Variants in SH3KBP1 observed in about 807,000 individuals in gnomAD.
SH3KBP1 encodes SH3 domain-containing kinase-binding protein 1.
SH3KBP1 carries 8 observed loss-of-function variants against 50.1 expected under a neutral mutation model. The observed-to-expected ratio is 0.16, with a 90% CI of 0.09 to 0.29. The LOEUF (loss-of-function observed/expected upper bound fraction) is 0.29. Among genes scored for constraint, SH3KBP1 ranks in the 10% least tolerant of loss-of-function variants. The pLI is 1.00. For synonymous variants in SH3KBP1, 227 were observed against 218.6 expected (o/e 1.04, Z -0.34); for missense variants, 377 against 535.2 (o/e 0.70, Z 2.92).
intron 1 of SH3KBP1, among the ~76,000 whole-genome samples, chrX:19,873,944 G>A (rs2069147283): frequency 9.7e-6 from 1 of 102,655 alleles, no homozygotes; most frequent in African/African-American, 3.7e-5. Flanking sequence ...AGCTACTCGG[G>A]AGGCTGAGGC....
intron 12 of SH3KBP1, among the ~76,000 whole-genome samples, chrX:19,580,329 A>T (rs769450338): frequency 5.4e-5 from 6 of 111,244 alleles, no homozygotes; most frequent in Non-Finnish European, 1.1e-4. Context: ...TCTAGCACCC[A>T]TTCTCCATCT....
intron 13 of SH3KBP1, among the ~76,000 whole-genome samples, chrX:19,564,964 G>A (rs1194896437): frequency 9.3e-6 from 1 of 107,829 alleles, no homozygotes; most frequent in East Asian, 2.9e-4. Flanking sequence ...ATTGCCAAAT[G>A]TCCCCTTGGG....
chrX:19,772,391 G>C (rs969509312), intron 2 of SH3KBP1, among the ~76,000 whole-genome samples: 5 of 111,189 alleles, frequency 4.5e-5, no homozygotes, highest in Non-Finnish European at 3.8e-5. Context: ...CAGAACCAAA[G>C]AGAGAAAGAA....
intron 13 of SH3KBP1, among the ~76,000 whole-genome samples, chrX:19,553,063 C>A (rs1464087599): frequency 9.0e-6 from 1 of 111,446 alleles, no homozygotes; most frequent in Non-Finnish European, 1.9e-5. Flanking sequence ...TGGCCAAAGG[C>A]TCGAATGATT....
chrX:19,731,218 C>T (rs933252634), intron 3 of SH3KBP1, among the ~76,000 whole-genome samples: 12 of 112,384 alleles, frequency 1.1e-4, no homozygotes, highest in Non-Finnish European at 2.3e-4. Flanking sequence ...GGATTACAGG[C>T]GTGAGCCACT....
intron 2 of SH3KBP1, among the ~76,000 whole-genome samples, chrX:19,769,015 G>A (rs1221162163): frequency 9.3e-6 from 1 of 107,904 alleles, no homozygotes; most frequent in Non-Finnish European, 1.9e-5. Flanking sequence ...CTGTTAAGCA[G>A]AAGGAGGTTT....
At chrX:19,720,166 A>G (rs2064017125) in intron 3 of SH3KBP1, among the ~76,000 whole-genome samples, 1 of 111,156 alleles carries the variant, frequency 9.0e-6, no homozygotes, top group African/African-American at 3.3e-5. Flanking sequence ...GAATCACGTC[A>G]TAACATAAAA....
intron 12 of SH3KBP1, chrX:19,588,342 C>T (rs2066631368): frequency 2.8e-6 from 3 of 1,067,942 alleles, no homozygotes; most frequent in African/African-American, 3.8e-5. Context: ...GGCAGTTGGC[C>T]TTGCTTCTAA....
At chrX:19,755,954 T>C (rs1017753308) in intron 2 of SH3KBP1, among the ~76,000 whole-genome samples, 3 of 111,056 alleles carry the variant, frequency 2.7e-5, no homozygotes, top group Admixed American at 9.6e-5. Flanking sequence ...CCCCTTAGAG[T>C]TGTGAGCCCT....
chrX:19,735,067 C>T (rs2064507401), intron 3 of SH3KBP1, among the ~76,000 whole-genome samples: 1 of 111,995 alleles, frequency 8.9e-6, no homozygotes, highest in Admixed American at 9.5e-5. Context: ...AGTGGCTGTA[C>T]CATTTTACAT....
chrX:19,857,559 T>A (rs1171737100), intron 1 of SH3KBP1, among the ~76,000 whole-genome samples: 1 of 108,752 alleles, frequency 9.2e-6, no homozygotes, highest in East Asian at 3.0e-4. Flanking sequence ...CCCATCTCTT[T>A]AAAAATACAC....
At chrX:19,799,123 A>G (rs995524324) in intron 2 of SH3KBP1, among the ~76,000 whole-genome samples, 1 of 108,250 alleles carries the variant, frequency 9.2e-6, no homozygotes, top group Admixed American at 9.9e-5. Flanking sequence ...TTCACACTAC[A>G]GGAAAGCTAA....
At chrX:19,614,660 G>T (rs936422) in intron 8 of SH3KBP1, among the ~76,000 whole-genome samples, 9,133 of 111,357 alleles carry the variant, frequency 0.082, 942 homozygotes, top group African/African-American at 0.28. Flanking sequence ...TGATTTAAGA[G>T]GAACGCTTCT....
In SH3KBP1 at chrX:19,766,483, C is replaced by CTTTTTTTTTTTTTTTTTTTTTT. The variant is rs61439964; in HGVS notation, c.163-20064_163-20043dup. Among the ~76,000 whole-genome samples the CTTTTTTTTTTTTTTTTTTTTTT allele has an allele frequency of 3.1e-4, 7 of 22,589 alleles. 3 individuals are homozygous for CTTTTTTTTTTTTTTTTTTTTTT. The highest frequency in any genetic ancestry group is 8.5e-4 in the African/African-American group (5 of 5,879). The allele number at this position is 22,589 out of a possible 115,157, so 19.6% of individuals were successfully genotyped here. A position where few individuals can be genotyped will look rare whatever the true frequency, so the allele number is the denominator to read the frequency against. On this transcript the variant is annotated intron_variant, in intron 2 of 17. Coordinates refer to ENST00000397821, the MANE Select transcript of SH3KBP1 (RefSeq NM_031892.3). ...TGCACTTTGAGTCTGTTGATTGCATCTTTTTTTTTTTTTTTTTTTTTTTTT... is the reference window on the plus strand; with the variant it reads ...TGCACTTTGAGTCTGTTGATTGCATCTTTTTTTTTTTTTTTTTTTTTTTTTTTTTTTTTTTTTTTTTTTTTTT...
chrX:19,667,650 A>C (rs760773846), intron 6 of SH3KBP1, among the ~76,000 whole-genome samples: 1 of 110,932 alleles, frequency 9.0e-6, no homozygotes, highest in Admixed American at 9.6e-5. Flanking sequence ...CAAAGCATAA[A>C]ATGGCAAAGG....
intron 12 of SH3KBP1, among the ~76,000 whole-genome samples, chrX:19,577,485 G>A (rs984592906): frequency 4.5e-5 from 5 of 111,084 alleles, no homozygotes; most frequent in South Asian, 3.8e-4. Flanking sequence ...TCATGCACTC[G>A]ACCTATCCAG....
chrX:19,656,497 T>C (rs2062281655), intron 6 of SH3KBP1, among the ~76,000 whole-genome samples: 1 of 112,163 alleles, frequency 8.9e-6, no homozygotes, highest in Non-Finnish European at 1.9e-5. Context: ...TGAATTGGTT[T>C]GACTATGATG....
At chrX:19,790,932 T>C (rs1295813522) in intron 2 of SH3KBP1, among the ~76,000 whole-genome samples, 8 of 111,026 alleles carry the variant, frequency 7.2e-5, no homozygotes, top group African/African-American at 2.3e-4. Flanking sequence ...TCCCAGAAAG[T>C]TGTCTATCTG....
chrX:19,721,908 G>A (rs2064068424), intron 3 of SH3KBP1, among the ~76,000 whole-genome samples: 2 of 111,246 alleles, frequency 1.8e-5, no homozygotes, highest in Admixed American at 1.9e-4. Context: ...AAGCTGAGAT[G>A]GGAGGACCAC....
Sources: gnomAD v4.1 joint callset for allele counts (sites outside exome capture counted in the v4.1 genomes callset) on GRCh38, gnomAD v4.1.1 for gene constraint, MANE v1.5 for transcripts, NCBI Gene and HGNC (gene_info 2026-07-23, HGNC 2026-07-21) for gene names.